TYW1: variants seen among roughly 807,000 people sequenced by gnomAD.
TYW1 encodes the protein S-adenosyl-L-methionine-dependent tRNA 4-demethylwyosine synthase TYW1.
Under a neutral mutation model 96.2 loss-of-function variants are expected in TYW1, and 46 were observed. The observed-to-expected ratio is 0.48, with a 90% CI of 0.38 to 0.61. TYW1 has a LOEUF of 0.61. Ranked by LOEUF, TYW1 falls within the 20% of genes least tolerant of loss-of-function variation. TYW1 has a pLI of 0.00. For missense variants in TYW1, 684 were observed against 909.6 expected (o/e 0.75, Z 3.19); for synonymous variants, 274 against 323.0 (o/e 0.85, Z 1.63).
At chr7:67,145,869 C>T (rs1397789724) in intron 13 of TYW1, among the ~76,000 whole-genome samples, 2 of 152,104 alleles carry the variant, frequency 1.3e-5, no homozygotes, top group African/African-American at 2.4e-5. Context: ...ATCTTCCCAC[C>T]TCAACCTCCC....
intron 11 of TYW1, among the ~76,000 whole-genome samples, chr7:67,092,844 G>A (rs368758460): frequency 7.3e-5 from 11 of 151,542 alleles, no homozygotes; most frequent in African/African-American, 2.2e-4. Context: ...CACCATGCCC[G>A]GCTAATGTTT....
At chr7:67,031,936 C>T (rs1584484069) in intron 7 of TYW1, among the ~76,000 whole-genome samples, 1 of 152,202 alleles carries the variant, frequency 6.6e-6, no homozygotes, top group East Asian at 1.9e-4. Flanking sequence ...CACATCATCT[C>T]TGTAGTTTCT....
intron 13 of TYW1, among the ~76,000 whole-genome samples, chr7:67,118,878 G>GAAAAAAAA: frequency 1.4e-5 from 1 of 72,264 alleles, no homozygotes; most frequent in African/African-American, 3.9e-5. Flanking sequence ...ACCCCTATCT[G>GAAAAAAAA]AAAAAAAAAA....
intron 3 of TYW1, among the ~76,000 whole-genome samples, chr7:67,005,095 A>G (rs1231377531): frequency 6.6e-6 from 1 of 152,128 alleles, no homozygotes. Context: ...TATAGGCCCC[A>G]ATCTCTTCTG....
At chr7:67,188,571 C>T (rs911917303) in intron 14 of TYW1, among the ~76,000 whole-genome samples, 4 of 152,040 alleles carry the variant, frequency 2.6e-5, no homozygotes, top group East Asian at 3.9e-4. Context: ...AGACAGTACT[C>T]GGGTTTAAAG....
chr7:67,026,472 A>G (rs538058938), intron 7 of TYW1, among the ~76,000 whole-genome samples: 1 of 152,290 alleles, frequency 6.6e-6, no homozygotes, highest in Admixed American at 6.5e-5. Context: ...AAATGGAAAG[A>G]CATTCCTTGT....
rs745419775 is a variant in TYW1, at chr7:67,204,566, TC to T, written c.1977+9230del. On this transcript the variant is annotated intron_variant, in intron 15 of 15. Transcript: ENST00000359626. ...TCCTCTTCTTCTTCTTCTTCTTTCT[TC>T]TTCCTTCTTCCTTCTTTCTTCTTCT... 7.0e-4 allele frequency among the ~76,000 whole-genome samples: 103 copies of T among 147,524 alleles called. 1 individual carries two copies. Among genetic ancestry groups the T allele is most frequent in the Middle Eastern group, 3.4e-3 (1 of 292 alleles).
In TYW1 at chr7:67,163,436, C is replaced by T. The variant is rs141499382; in HGVS notation, c.1699-19690C>T. Among the ~76,000 whole-genome samples the T allele has an allele frequency of 4.6e-3, 695 of 152,240 alleles. 5 individuals carry two copies. Among genetic ancestry groups the T allele is most frequent in the African/African-American group, 0.016 (663 of 41,542 alleles). Reference sequence around the variant, plus strand: ...TCTCTTCTTGTGGTTTCACCCTCCGCTTACTCCTTCACACAGATGATATCT... The same window carrying T: ...TCTCTTCTTGTGGTTTCACCCTCCGTTTACTCCTTCACACAGATGATATCT... On this transcript the variant is annotated intron_variant, in intron 13 of 15. Coordinates refer to ENST00000359626, the MANE Select transcript of TYW1 (RefSeq NM_018264.4).
At chr7:67,186,689 C>G (rs1800035941) in intron 14 of TYW1, among the ~76,000 whole-genome samples, 1 of 152,102 alleles carries the variant, frequency 6.6e-6, no homozygotes, top group African/African-American at 2.4e-5. Context: ...AATGGGGTCT[C>G]ACTATGTTGC....
intron 13 of TYW1, among the ~76,000 whole-genome samples, chr7:67,157,436 C>A (rs1233470573): frequency 8.5e-5 from 13 of 152,112 alleles, no homozygotes; most frequent in Admixed American, 6.6e-4. Flanking sequence ...CAGGTGTCAA[C>A]CACCATGCCT....
intron 11 of TYW1, among the ~76,000 whole-genome samples, chr7:67,093,319 T>A (rs1424158350): frequency 6.6e-6 from 1 of 152,216 alleles, no homozygotes; most frequent in African/African-American, 2.4e-5. Flanking sequence ...GCTGTATGTG[T>A]GTGTGTAAAA....
At chr7:67,217,469 T>C (rs1033008582) in intron 15 of TYW1, among the ~76,000 whole-genome samples, 7 of 152,234 alleles carry the variant, frequency 4.6e-5, no homozygotes, top group African/African-American at 1.7e-4. Context: ...CTCATTGCTT[T>C]GCATGTAGTG....
chr7:67,221,942 A>G (rs1408246411), intron 15 of TYW1, among the ~76,000 whole-genome samples: 1 of 151,748 alleles, frequency 6.6e-6, no homozygotes, highest in Admixed American at 6.6e-5. Flanking sequence ...TGACGCCTGT[A>G]ATCCCAGCAC....
intron 7 of TYW1, among the ~76,000 whole-genome samples, chr7:67,034,834 C>A (rs895884015): frequency 2.0e-5 from 3 of 152,100 alleles, no homozygotes; most frequent in Non-Finnish European, 2.9e-5. Context: ...AGAATAAATT[C>A]CTAAAATTGA....
chr7:67,030,231 C>T (rs1206483933), intron 7 of TYW1, among the ~76,000 whole-genome samples: 2 of 152,174 alleles, frequency 1.3e-5, no homozygotes, highest in African/African-American at 4.8e-5. Context: ...AATTCTAATC[C>T]TCTAATCACT....
chr7:67,059,192 C>G lies in TYW1; in HGVS notation c.1155+3305C>G, dbSNP rs547296425. Among the ~76,000 whole-genome samples, 424 of 151,022 alleles carry G rather than the reference C, an allele frequency of 2.8e-3. 1 individual carries two copies. The highest frequency in any genetic ancestry group is 0.01 in the African/African-American group (415 of 41,052). ...TCAGCTTACTGCAGGCTCTGCCTCC[C>G]AGGTTCACACCATTCTCCTGCCTCA... On this transcript the variant is annotated intron_variant, in intron 9 of 15. Transcript: ENST00000359626.
intron 12 of TYW1, among the ~76,000 whole-genome samples, chr7:67,104,686 A>G (rs1436122504): frequency 2.0e-5 from 3 of 152,132 alleles, no homozygotes; most frequent in African/African-American, 4.8e-5. Context: ...AGAAGCAAAC[A>G]CCTTAGGCAA....
rs1169665708 is a variant in TYW1 at position 67,178,915 on chromosome 7, T to G, written c.1699-4211T>G. On this transcript the variant is annotated intron_variant, in intron 13 of 15. Coordinates refer to ENST00000359626, the MANE Select transcript of TYW1 (RefSeq NM_018264.4). ...CACAGTTTTAGAAGATTTAGCAAAG[T>G]GAGAGAGAGCCTATTCTGGTTCCTA... Among the ~76,000 whole-genome samples the G allele has an allele frequency of 5.1e-5, 7 of 136,320 alleles. 2 individuals carry two copies. The highest frequency in any genetic ancestry group is 1.5e-4 in the African/African-American group (5 of 33,550). 89.4% of individuals were successfully genotyped at this position (136,320 alleles called of 152,430 possible). A position where few individuals can be genotyped will look rare whatever the true frequency, so the allele number is the denominator to read the frequency against.
chr7:67,020,281 G>T (rs1233296748), intron 6 of TYW1, among the ~76,000 whole-genome samples: 2 of 152,262 alleles, frequency 1.3e-5, no homozygotes, highest in Admixed American at 1.3e-4. Context: ...TACTCAGGAG[G>T]CCGAGGCAGG....
Sources: allele counts gnomAD v4.1 joint callset (sites outside exome capture counted in the v4.1 genomes callset), GRCh38; gene constraint gnomAD v4.1.1; transcripts MANE v1.5; gene names NCBI Gene and HGNC (gene_info 2026-07-23, HGNC 2026-07-21).